Variants in NBAS observed in about 807,000 individuals in gnomAD.
NBAS encodes NAG/BC035112 fusion.
In NBAS, 219 loss-of-function variants were observed where a neutral mutation model predicts 302.5. That is an observed-to-expected ratio of 0.72 (90% CI 0.65 to 0.81). The LOEUF (loss-of-function observed/expected upper bound fraction) is 0.81, where lower values mean the gene tolerates loss of function less well. NBAS is among the 30% of genes least tolerant of loss of function. The probability of loss-of-function intolerance (pLI) is 0.00; values close to 1 mark genes in which losing one functional copy is unlikely to be tolerated. For synonymous variants in NBAS, 1,118 were observed against 1,021.6 expected (o/e 1.09, Z -1.80); for missense variants, 2,932 against 2,841.6 (o/e 1.03, Z -0.72).
chr2:15,164,698 T>A (rs574148844), downstream of NBAS, among the ~76,000 whole-genome samples: 1 of 152,340 alleles, frequency 6.6e-6, no homozygotes, highest in South Asian at 2.1e-4. Flanking sequence ...CAACATATCA[T>A]CTTACTCCTT....
chr2:15,126,198 C>T, the NBAS span, among the ~76,000 whole-genome samples: 3 of 152,154 alleles, frequency 2.0e-5, no homozygotes, highest in Admixed American at 6.5e-5. Context: ...CTATTTCTCA[C>T]TCCTGCTCTC....
chr2:14,998,485 C>T, the NBAS span, among the ~76,000 whole-genome samples: 10 of 152,078 alleles, frequency 6.6e-5, no homozygotes, highest in Admixed American at 3.9e-4. Flanking sequence ...TTGGGTGAGG[C>T]GGTACCTTAC....
intron 14 of NBAS, 102 bp from the exon 15 acceptor site, chr2:15,474,426 T>A: frequency 8.3e-7 from 1 of 1,198,890 alleles, no homozygotes; most frequent in East Asian, 2.5e-5. Flanking sequence ...CTGGTTTGAT[T>A]CATTAAATCA....
chr2:15,528,427 T>A (rs1212077845), intron 9 of NBAS, among the ~76,000 whole-genome samples: 2 of 147,816 alleles, frequency 1.4e-5, no homozygotes, highest in African/African-American at 4.9e-5. Context: ...ATTATGTTTA[T>A]ATAATATATA....
chr2:14,856,110 C>A, the NBAS span, among the ~76,000 whole-genome samples: 1 of 152,034 alleles, frequency 6.6e-6, no homozygotes, highest in South Asian at 2.1e-4. Context: ...CAAACATTCA[C>A]TATGTTTGGA....
the NBAS span, among the ~76,000 whole-genome samples, chr2:15,140,437 T>C: frequency 1.3e-5 from 2 of 152,242 alleles, no homozygotes; most frequent in African/African-American, 2.4e-5. Flanking sequence ...TGGATAACTG[T>C]GGTTCAAATC....
the NBAS span, among the ~76,000 whole-genome samples, chr2:15,107,519 A>G: frequency 4.7e-4 from 72 of 152,266 alleles, no homozygotes; most frequent in African/African-American, 1.6e-3. Flanking sequence ...TGAGAGAGTC[A>G]TTGAGAAAAT....
chr2:15,034,250 A>G, the NBAS span, among the ~76,000 whole-genome samples: 6 of 94,016 alleles, frequency 6.4e-5, no homozygotes, highest in East Asian at 1.0e-3. Context: ...GAAAGAAAGA[A>G]AGAAAGAAAG....
chr2:15,234,392 G>A (rs1667501052), intron 46 of NBAS, among the ~76,000 whole-genome samples, 153 bp downstream of exon 46: 1 of 152,168 alleles, frequency 6.6e-6, no homozygotes, highest in Non-Finnish European at 1.5e-5. Flanking sequence ...CCCTTCTGAA[G>A]ACATAAGACT....
At chr2:14,896,301 A>C in the NBAS span, among the ~76,000 whole-genome samples, 2 of 152,184 alleles carry the variant, frequency 1.3e-5, no homozygotes, top group Non-Finnish European at 1.5e-5. Context: ...ATGTATTAAT[A>C]ATATCAATGT....
rs567890210 is a variant in NBAS, at chr2:15,177,447, A to T, written c.6840+1541T>A. 3.9e-5 allele frequency among the ~76,000 whole-genome samples: 6 copies of T among 152,342 alleles called. No individual in the cohort carries two copies. The South Asian group carries it at 1.2e-3, about 32-fold the overall frequency. Reference sequence around the variant, plus strand: ...TGCTAGTTGCAGTTCTGACAGATGCATTTGAGATAAAGAATCTTTAAAATG... The same window carrying T: ...TGCTAGTTGCAGTTCTGACAGATGCTTTTGAGATAAAGAATCTTTAAAATG... On this transcript the variant is annotated intron_variant, in intron 51 of 51. Transcript: ENST00000281513.
intron 26 of NBAS, among the ~76,000 whole-genome samples, chr2:15,400,782 T>G (rs1676113001): frequency 6.6e-6 from 1 of 152,114 alleles, no homozygotes; most frequent in African/African-American, 2.4e-5. Flanking sequence ...GAAAAGTGCC[T>G]CCCCACGGCC....
chr2:15,492,459 G>GTATT (rs1410512514), intron 11 of NBAS, among the ~76,000 whole-genome samples: 1 of 151,854 alleles, frequency 6.6e-6, no homozygotes, highest in Admixed American at 6.6e-5. Flanking sequence ...AAACCTTTAT[G>GTATT]TATTTATTTA....
chr2:14,995,817 G>A, the NBAS span, among the ~76,000 whole-genome samples: 3 of 152,000 alleles, frequency 2.0e-5, no homozygotes, highest in Non-Finnish European at 4.4e-5. Context: ...GAACTCCCAG[G>A]CTCATGCACT....
chr2:14,874,651 A>G, the NBAS span, among the ~76,000 whole-genome samples: 3 of 146,188 alleles, frequency 2.1e-5, no homozygotes, highest in East Asian at 3.9e-4. Flanking sequence ...AAAAAAGAAA[A>G]AAAAAAAAAG....
intron 26 of NBAS, among the ~76,000 whole-genome samples, chr2:15,397,258 C>T (rs1675908645): frequency 6.6e-6 from 1 of 152,204 alleles, no homozygotes; most frequent in South Asian, 2.1e-4. Context: ...GTGTCCCAAA[C>T]ACTCTCAACT....
chr2:15,032,252 T>G, the NBAS span, among the ~76,000 whole-genome samples: 1 of 152,216 alleles, frequency 6.6e-6, no homozygotes, highest in Non-Finnish European at 1.5e-5. Flanking sequence ...AATGAGGTAA[T>G]GTACTGAGAC....
chr2:15,130,511 C>G, the NBAS span, among the ~76,000 whole-genome samples: 1 of 152,210 alleles, frequency 6.6e-6, no homozygotes, highest in Non-Finnish European at 1.5e-5. Flanking sequence ...TTTGGCCGAG[C>G]CTGTCTCACC....
rs1676185538 is a variant in NBAS at position 15,402,158 on chromosome 2, G to A, written c.3071+10C>T. 3 of 1,613,104 alleles carry A rather than the reference G, an allele frequency of 1.9e-6. No individual in the cohort carries two copies. Among genetic ancestry groups the A allele is most frequent in the Admixed American group, 1.7e-5 (1 of 59,988 alleles). ...AAACACAATAAGACTGGCATACTGT[G>A]TATTCTTACCCATATCCTCTTTCTG... On this transcript the variant is annotated intron_variant, in intron 26 of 51. Coordinates refer to ENST00000281513, the MANE Select transcript of NBAS (RefSeq NM_015909.4).
Sources: allele counts gnomAD v4.1 joint callset (sites outside exome capture counted in the v4.1 genomes callset), GRCh38; gene constraint gnomAD v4.1.1; transcripts MANE v1.5; gene names NCBI Gene and HGNC (gene_info 2026-07-23, HGNC 2026-07-21).